Variants in TMEM132D observed in about 807,000 individuals in gnomAD.
TMEM132D encodes transmembrane protein 132D.
In TMEM132D, 21 loss-of-function variants were observed where a neutral mutation model predicts 62.3. That is an observed-to-expected ratio of 0.34 (90% CI 0.24 to 0.49). TMEM132D has a LOEUF of 0.49. Among genes scored for constraint, TMEM132D ranks in the 20% least tolerant of loss-of-function variants. The pLI, the probability that TMEM132D is intolerant of heterozygous loss-of-function variation, is 0.99. For missense variants in TMEM132D, 1,346 were observed against 1,402.8 expected (o/e 0.96, Z 0.65); for synonymous variants, 621 against 575.6 (o/e 1.08, Z -1.13).
chr12:129,638,670 T>A (rs1879558477), intron 2 of TMEM132D, among the ~76,000 whole-genome samples: 1 of 151,302 alleles, frequency 6.6e-6, no homozygotes, highest in South Asian at 2.1e-4. Flanking sequence ...AATGGACCCA[T>A]GGAATTCTTT....
chr12:129,790,388 T>C (rs1037625800), intron 1 of TMEM132D, among the ~76,000 whole-genome samples: 6 of 152,214 alleles, frequency 3.9e-5, no homozygotes, highest in African/African-American at 1.2e-4. Flanking sequence ...ATGGTAAATG[T>C]GGGGGATTTT....
At chr12:129,862,627 G>T (rs374357995) in intron 1 of TMEM132D, among the ~76,000 whole-genome samples, 6 of 152,152 alleles carry the variant, frequency 3.9e-5, no homozygotes, top group Admixed American at 3.9e-4. Flanking sequence ...ATCCTTAAAA[G>T]AATTTAGAAA....
At position 129,463,559 on chromosome 12, in the gene TMEM132D, G is replaced by A. The variant is rs368369452; in HGVS notation, c.1115+67500C>T. On this transcript the variant is annotated intron_variant, in intron 3 of 8. Transcript: ENST00000422113. ...TACATATGTATACATGTGCCATGTT[G>A]GTGTGCTGCACCCATTAACTCGTCA... 2.6e-5 allele frequency among the ~76,000 whole-genome samples: 4 copies of A among 151,778 alleles called. No homozygotes were observed. In the East Asian group the frequency reaches 5.9e-4, roughly 22 times the overall value.
At chr12:129,334,272 C>G (rs1289091836) in intron 4 of TMEM132D, among the ~76,000 whole-genome samples, 2 of 149,550 alleles carry the variant, frequency 1.3e-5, no homozygotes, top group Non-Finnish European at 2.9e-5. Context: ...TCCTGCAACT[C>G]CATCAACACG....
intron 3 of TMEM132D, among the ~76,000 whole-genome samples, chr12:129,360,180 G>C (rs1056452220): frequency 6.6e-6 from 1 of 152,082 alleles, no homozygotes; most frequent in Admixed American, 6.6e-5. Flanking sequence ...GGAAACCCCG[G>C]TGATGATGAC....
chr12:129,322,422 T>C (rs1272780939), intron 4 of TMEM132D, among the ~76,000 whole-genome samples: 2 of 152,214 alleles, frequency 1.3e-5, no homozygotes, highest in African/African-American at 2.4e-5. Flanking sequence ...TGGTAGAGCA[T>C]TGATACAATG....
At chr12:129,787,976 G>A (rs1023250586) in intron 1 of TMEM132D, among the ~76,000 whole-genome samples, 2 of 152,268 alleles carry the variant, frequency 1.3e-5, no homozygotes, top group African/African-American at 4.8e-5. Context: ...CAGAAGAGAC[G>A]GTTAAACCTC....
At chr12:129,499,838 G>A (rs561916163) in intron 3 of TMEM132D, among the ~76,000 whole-genome samples, 42 of 152,240 alleles carry the variant, frequency 2.8e-4, no homozygotes, top group South Asian at 2.1e-4. Context: ...GGTTCTTAAC[G>A]TTCCCCCTTC....
At chr12:129,811,301 G>GCCTCCCTCCTTGTTCTA (rs1240216683) in intron 1 of TMEM132D, among the ~76,000 whole-genome samples, 1 of 151,584 alleles carries the variant, frequency 6.6e-6, no homozygotes, top group African/African-American at 2.4e-5. Flanking sequence ...GCTCGGTCCT[G>GCCTCCCTCCTTGTTCTA]CCTCCCTCCT....
At chr12:129,418,742 A>G (rs1353646205) in intron 3 of TMEM132D, among the ~76,000 whole-genome samples, 1 of 117,884 alleles carries the variant, frequency 8.5e-6, no homozygotes, top group Non-Finnish European at 1.8e-5. Context: ...ATAATTAATA[A>G]TAATAAAAGA....
intron 2 of TMEM132D, among the ~76,000 whole-genome samples, chr12:129,551,200 C>T (rs1244960902): frequency 4.6e-5 from 7 of 152,248 alleles, no homozygotes; most frequent in African/African-American, 1.4e-4. Context: ...GTAGAGGCAT[C>T]TACTAACTTT....
intron 4 of TMEM132D, among the ~76,000 whole-genome samples, chr12:129,313,565 GTGTGTA>G (rs1882033442): frequency 7.3e-6 from 1 of 137,338 alleles, no homozygotes; most frequent in South Asian, 2.3e-4. Flanking sequence ...ATGTGTGTGT[GTGTGTA>G]TATATATATA....
At position 129,372,674 on chromosome 12, in the gene TMEM132D, C is replaced by G. The variant is rs138269941; in HGVS notation, c.1116-34857G>C. On this transcript the variant is annotated intron_variant, in intron 3 of 8. Transcript: ENST00000422113. ...AGTGCAAACTATGCATGTGAGGGAT[C>G]TAGGTTGTGTGCTCCTTATGAGAAT... Among the ~76,000 whole-genome samples the G allele has an allele frequency of 4.7e-4, 71 of 151,920 alleles. 2 individuals are homozygous for G. The highest frequency in any genetic ancestry group is 2.8e-3 in the Admixed American group (43 of 15,236).
chr12:129,746,042 A>T (rs974287585), intron 1 of TMEM132D, among the ~76,000 whole-genome samples: 2 of 152,212 alleles, frequency 1.3e-5, no homozygotes, highest in Admixed American at 1.3e-4. Context: ...ATCCAGAAGG[A>T]GGAATGAGCT....
At chr12:129,578,517 A>G (rs531086070) in intron 2 of TMEM132D, among the ~76,000 whole-genome samples, 4 of 151,662 alleles carry the variant, frequency 2.6e-5, no homozygotes, top group Admixed American at 6.6e-5. Context: ...ACACATGCGC[A>G]CACACACACA....
chr12:129,705,510 T>C (rs1253435273), intron 1 of TMEM132D, among the ~76,000 whole-genome samples: 1 of 152,202 alleles, frequency 6.6e-6, no homozygotes, highest in Non-Finnish European at 1.5e-5. Context: ...AGAAATATGA[T>C]GAAGGATGTT....
chr12:129,185,777 A>G (rs6486439), intron 5 of TMEM132D, among the ~76,000 whole-genome samples: 22,990 of 73,640 alleles, frequency 0.31, 1,948 homozygotes, highest in African/African-American at 0.41. Context: ...CTGTCTGTCT[A>G]TCTATCTATC....
intron 2 of TMEM132D, among the ~76,000 whole-genome samples, chr12:129,695,029 A>G (rs778627364): frequency 3.3e-5 from 5 of 152,136 alleles, no homozygotes; most frequent in Non-Finnish European, 7.3e-5. Flanking sequence ...AAATAAATAA[A>G]TAAATAATGT....
intron 3 of TMEM132D, among the ~76,000 whole-genome samples, chr12:129,379,759 A>G (rs1396315554): frequency 6.6e-6 from 1 of 152,192 alleles, no homozygotes; most frequent in Non-Finnish European, 1.5e-5. Flanking sequence ...TAAAGTGCCA[A>G]CATCTGACCT....
Sources: allele counts gnomAD v4.1 joint callset (sites outside exome capture counted in the v4.1 genomes callset), GRCh38; gene constraint gnomAD v4.1.1; transcripts MANE v1.5; gene names NCBI Gene and HGNC (gene_info 2026-07-23, HGNC 2026-07-21).